HMSD: variants seen among roughly 807,000 people sequenced by gnomAD.
The protein encoded by HMSD is serpin-like protein HMSD.
HMSD carries 13 observed loss-of-function variants against 10.0 expected under a neutral mutation model. That is an observed-to-expected ratio of 1.31 (90% confidence interval 0.85 to 2.08). The LOEUF (loss-of-function observed/expected upper bound fraction) is 2.08. HMSD is among the 30% of genes most tolerant of loss of function. HMSD has a pLI of 0.00. For synonymous variants in HMSD, 51 were observed against 54.2 expected, an observed-to-expected ratio of 0.94 and a Z score of 0.26; for missense variants, 169 against 166.3, an observed-to-expected ratio of 1.02 and a Z score of -0.09.
intron 3 of HMSD, among the ~76,000 whole-genome samples, chr18:63,956,087 C>T (rs1315748616): frequency 6.6e-6 from 1 of 152,174 alleles, no homozygotes; most frequent in Non-Finnish European, 1.5e-5. Context: ...CAGTAGAGGC[C>T]ACAGTTGTGG....
downstream of HMSD, among the ~76,000 whole-genome samples, chr18:63,966,043 G>A (rs2050408150): frequency 6.6e-6 from 1 of 152,200 alleles, no homozygotes; most frequent in Non-Finnish European, 1.5e-5. Context: ...AGAGCTAATT[G>A]TACCTCACTG....
chr18:63,966,301 T>A (rs903655121), downstream of HMSD: 1 of 152,232 alleles, frequency 6.6e-6, no homozygotes, highest in African/African-American at 2.4e-5. Flanking sequence ...CTGGGGAATG[T>A]TAATGAAAAA....
chr18:63,957,376 A>G (rs954045090), intron 3 of HMSD, among the ~76,000 whole-genome samples: 13 of 151,936 alleles, frequency 8.6e-5, no homozygotes, highest in East Asian at 5.8e-4. Context: ...GAGAATTTCT[A>G]TCTCTTCTGT....
chr18:63,965,819 C>A (rs1383281749), downstream of HMSD, among the ~76,000 whole-genome samples: 2 of 152,158 alleles, frequency 1.3e-5, no homozygotes, highest in East Asian at 1.9e-4. Context: ...AGAGGTATGG[C>A]ACTGGCATCC....
intron 3 of HMSD, among the ~76,000 whole-genome samples, chr18:63,967,567 C>T (rs1458824053): frequency 6.6e-6 from 1 of 152,120 alleles, no homozygotes; most frequent in South Asian, 2.1e-4. Context: ...AATTTGGAGA[C>T]GGTGGTAGCT....
At chr18:63,953,597 C>G in intron 2 of HMSD, 70 bp downstream of exon 2, 2 of 1,282,922 alleles carry the variant, frequency 1.6e-6, no homozygotes, top group East Asian at 2.4e-5. Context: ...TTCTGCATTT[C>G]AAGTCTTGAA....
chr18:63,964,643 G>C (rs1239785374), downstream of HMSD, among the ~76,000 whole-genome samples: 2 of 152,184 alleles, frequency 1.3e-5, no homozygotes, highest in Non-Finnish European at 2.9e-5. Flanking sequence ...AGGAGATTTG[G>C]TTTCTGAAGA....
chr18:63,957,354 T>G (rs1195134538), intron 3 of HMSD, among the ~76,000 whole-genome samples: 1 of 152,194 alleles, frequency 6.6e-6, no homozygotes, highest in East Asian at 1.9e-4. Context: ...ATTAAACACT[T>G]TTATGTGTAT....
intron 1 of HMSD, among the ~76,000 whole-genome samples, chr18:63,950,105 T>G (rs1273898341): frequency 6.6e-6 from 1 of 152,076 alleles, no homozygotes; most frequent in Non-Finnish European, 1.5e-5. Context: ...AAAGAGTCCT[T>G]TAGTAAATTC....
At chr18:63,954,382 T>C (rs1047628345) in intron 2 of HMSD, 26 bp from the exon 3 acceptor site, 1 of 1,560,472 alleles carries the variant, frequency 6.4e-7, no homozygotes, top group Non-Finnish European at 8.8e-7. Flanking sequence ...TGAGAATGTG[T>C]ATGTTTATTA....
chr18:63,960,062 A>G, intron 3 of HMSD, 96 bp from the exon 4 acceptor site: 1 of 1,206,678 alleles, frequency 8.3e-7, no homozygotes, highest in Non-Finnish European at 1.2e-6. Context: ...GGTAAATCAT[A>G]AAATTATTGA....
At chr18:63,963,073 C>T (rs1444655888), downstream of HMSD, among the ~76,000 whole-genome samples, 3 of 6,740 alleles carry the variant, frequency 4.5e-4, no homozygotes, top group Admixed American at 2.2e-3. Flanking sequence ...TTTTCTTTCT[C>T]TTTCTTTCTT....
chr18:63,969,177 T>C (rs1222936397), intron 3 of HMSD: 2 of 152,248 alleles, frequency 1.3e-5, no homozygotes, highest in Non-Finnish European at 2.9e-5. Flanking sequence ...TAATTTGCTA[T>C]GGCTCTAAAG....
At chr18:63,950,883 A>G (rs1367048277) in intron 1 of HMSD, among the ~76,000 whole-genome samples, 1 of 152,128 alleles carries the variant, frequency 6.6e-6, no homozygotes, top group Non-Finnish European at 1.5e-5. Context: ...GCCCCATCCT[A>G]TTGTTTTTGT....
Position 63,953,459 on chromosome 18 carries a change from A to G in HMSD, c.4A>G (p.Ser2Gly). 10 of 1,613,774 alleles carry G rather than the reference A, an allele frequency of 6.2e-6. No individual in the cohort carries two copies. Among genetic ancestry groups the G allele is most frequent in the Non-Finnish European group, 8.5e-6 (10 of 1,179,746 alleles). Residue 2 changes from serine to glycine, a missense_variant, in exon 2 of 4, where the codon AGC becomes GGC. Coordinates refer to ENST00000408945, the MANE Select transcript of HMSD (RefSeq NM_001123366.2). Reference sequence around the variant, plus strand: ...CAAACAACTTATTTTTTTCCCCATGAGCATATCATCAGCCTTGGCCATGGT... The same window carrying G: ...CAAACAACTTATTTTTTTCCCCATGGGCATATCATCAGCCTTGGCCATGGT... M[S>G]ISSALAMVFM...
At chr18:63,966,746 G>A (rs1434226863), downstream of HMSD, 3 of 152,264 alleles carry the variant, frequency 2.0e-5, no homozygotes, top group Middle Eastern at 6.8e-3. Flanking sequence ...TTACCACAGG[G>A]TATGGCAGAA....
At chr18:63,952,232 A>C (rs946652822) in intron 1 of HMSD, among the ~76,000 whole-genome samples, 7 of 151,702 alleles carry the variant, frequency 4.6e-5, no homozygotes, top group Non-Finnish European at 1.0e-4. Context: ...TGGCACATGT[A>C]TACATAACTA....
In HMSD at chr18:63,961,593, G is replaced by A; in HGVS notation, c.*1238G>A. ...TCTAAGTTCCCTTACCAGGCAGTCA[G>A]CTGTACCCTCCCTGGGTCTCAACGT... On this transcript the variant is annotated 3_prime_UTR_variant, in exon 4 of 4. Transcript: ENST00000408945. The A allele has an allele frequency of 6.6e-6, 1 of 152,486 alleles. No homozygotes were observed. Among genetic ancestry groups the A allele is most frequent in the Non-Finnish European group, 1.5e-5 (1 of 68,130 alleles). 9.4% of individuals were successfully genotyped at this position (152,486 alleles called of 1,614,324 possible).
intron 1 of HMSD, among the ~76,000 whole-genome samples, chr18:63,949,751 A>T (rs8092868): frequency 0.028 from 4,265 of 152,240 alleles, 220 homozygotes; most frequent in African/African-American, 0.098. Context: ...GGTGAAGTTT[A>T]TGTTGGGCGC....
Sources: allele counts gnomAD v4.1 joint callset (sites outside exome capture counted in the v4.1 genomes callset), GRCh38; gene constraint gnomAD v4.1.1; transcripts MANE v1.5; gene names NCBI Gene and HGNC (gene_info 2026-07-23, HGNC 2026-07-21).